MYLK: variants seen among roughly 807,000 people sequenced by gnomAD.
MYLK encodes the protein myosin light chain kinase, smooth muscle.
In MYLK, 106 loss-of-function variants were observed where a neutral mutation model predicts 203.4. That is an observed-to-expected ratio of 0.52 (90% confidence interval 0.45 to 0.61). The LOEUF (loss-of-function observed/expected upper bound fraction) is 0.61. MYLK is among the 20% of genes least tolerant of loss of function. The pLI is 0.00. For synonymous variants in MYLK, 867 were observed against 959.5 expected (o/e 0.90, Z 1.78); for missense variants, 2,072 against 2,442.3 (o/e 0.85, Z 3.20).
intron 27 of MYLK, among the ~76,000 whole-genome samples, chr3:123,645,908 C>T (rs563856705): frequency 1.2e-4 from 19 of 152,302 alleles, no homozygotes; most frequent in South Asian, 6.2e-4. Flanking sequence ...CTTTGGGAGG[C>T]TGAGGCAGAT....
chr3:123,760,236 T>C (rs1438557594), intron 4 of MYLK, among the ~76,000 whole-genome samples: 1 of 152,188 alleles, frequency 6.6e-6, no homozygotes, highest in Non-Finnish European at 1.5e-5. Flanking sequence ...TGGAGTGCAA[T>C]GGTGTGATCT....
chr3:123,844,760 G>A (rs559334180), intron 2 of MYLK, among the ~76,000 whole-genome samples: 58 of 150,066 alleles, frequency 3.9e-4, no homozygotes, highest in African/African-American at 1.3e-3. Flanking sequence ...ACCTCACCTT[G>A]ATAACTCCAG....
At position 123,642,358 on chromosome 3, in the gene MYLK, A is replaced by T. The variant is rs1025415889; in HGVS notation, c.4620-1854T>A. ...GCCTAACACACAGAAGGTGCTCAAC[A>T]CTTATTACTTATCGTTTGATAAGCT... is the stretch of plus-strand genomic sequence containing the variant. On this transcript the variant is annotated intron_variant, in intron 27 of 33. Transcript: ENST00000360304. The surrounding 1 kb of genome is among the most constrained non-coding windows in gnomAD (Gnocchi z 4.2). Among the ~76,000 whole-genome samples the T allele has an allele frequency of 1.3e-5, 2 of 152,176 alleles. No individual in the cohort carries two copies. The highest frequency in any genetic ancestry group is 4.8e-5 in the African/African-American group (2 of 41,434).
rs2063232094 is a variant in MYLK, at chr3:123,752,572, A to T, written c.166-34T>A. Reference sequence around the variant, plus strand: ...AAAAGAAGAAAGGGTAAGAGCCTGTATTTCATGAGTACTCTCTCTGTGTCA... The same window carrying T: ...AAAAGAAGAAAGGGTAAGAGCCTGTTTTTCATGAGTACTCTCTCTGTGTCA... On this transcript the variant is annotated intron_variant, in intron 4 of 33. Coordinates refer to ENST00000360304, the MANE Select transcript of MYLK (RefSeq NM_053025.4). 1.6e-5 allele frequency: 25 copies of T among 1,575,822 alleles called. No individual in the cohort carries two copies. In the East Asian group the frequency reaches 5.7e-4, roughly 36 times the overall value.
intron 2 of MYLK, among the ~76,000 whole-genome samples, chr3:123,859,547 A>G (rs1373060764): frequency 6.6e-6 from 1 of 152,270 alleles, no homozygotes; most frequent in Non-Finnish European, 1.5e-5. Flanking sequence ...AATCAGTCAC[A>G]AGCCATGCAT....
intron 32 of MYLK, among the ~76,000 whole-genome samples, chr3:123,619,179 A>G (rs542651902): frequency 6.6e-6 from 1 of 152,254 alleles, no homozygotes; most frequent in African/African-American, 2.4e-5. Flanking sequence ...TGCTTTTTAC[A>G]AGGGAGGAGT....
At chr3:123,786,880 G>A (rs1471681919) in intron 4 of MYLK, among the ~76,000 whole-genome samples, 1 of 152,140 alleles carries the variant, frequency 6.6e-6, no homozygotes, top group Non-Finnish European at 1.5e-5. Context: ...GCTAATATTT[G>A]TATAAATCAT....
At chr3:123,795,586 T>C (rs774528328) in intron 3 of MYLK, among the ~76,000 whole-genome samples, 1 of 152,148 alleles carries the variant, frequency 6.6e-6, no homozygotes, top group Non-Finnish European at 1.5e-5. Context: ...AACGTTGCAG[T>C]TGAGAAGAGC....
intron 14 of MYLK, 115 bp downstream of exon 14, chr3:123,709,641 G>T (rs772143944): frequency 2.3e-5 from 31 of 1,369,702 alleles, no homozygotes; most frequent in Non-Finnish European, 3.2e-5. Flanking sequence ...TCACCTGATG[G>T]TCCCATCTGA....
intron 31 of MYLK, chr3:123,621,093 T>G (rs77099965): frequency 6.6e-6 from 1 of 152,346 alleles, no homozygotes; most frequent in African/African-American, 2.4e-5. Context: ...TCTCAGTGAC[T>G]AGACTTGGGA....
intron 20 of MYLK, among the ~76,000 whole-genome samples, chr3:123,680,134 C>T (rs1440294750): frequency 6.6e-6 from 1 of 152,230 alleles, no homozygotes; most frequent in African/African-American, 2.4e-5. Context: ...CGAGCTGCTG[C>T]TCCAGACTCG....
At position 123,793,919 on chromosome 3, in the gene MYLK, T is replaced by G; in HGVS notation, c.-3-75A>C. On this transcript the variant is annotated intron_variant, in intron 3 of 33. Coordinates refer to ENST00000360304, the MANE Select transcript of MYLK (RefSeq NM_053025.4). ...CTGTCTTCCCTTCAGGCATCAGGTGTGTCCAGTCTGGAGGTGTGGCTTTTA... is the reference window on the plus strand; with the variant it reads ...CTGTCTTCCCTTCAGGCATCAGGTGGGTCCAGTCTGGAGGTGTGGCTTTTA... 3 of 1,559,912 alleles carry G rather than the reference T, an allele frequency of 1.9e-6. No homozygotes were observed. In the Admixed American group the frequency reaches 5.1e-5, roughly 27 times the overall value.
In MYLK at chr3:123,752,385, C is replaced by T. The variant is rs2063223394; in HGVS notation, c.319G>A (p.Glu107Lys). 3.7e-6 allele frequency: 6 copies of T among 1,614,064 alleles called. No homozygotes were observed. Among genetic ancestry groups the T allele is most frequent in the African/African-American group, 1.3e-5 (1 of 74,926 alleles). ...CGAGCACCACTGCCATTGGTGGCTT[C>T]ACAGGTATACTTTCCCCTGTCCTCC... Reference protein sequence around the residue: ...HEEDRGKYTCEATNGSGARQV... With the variant: ...HEEDRGKYTCKATNGSGARQV... Residue 107 changes from glutamate to lysine, a missense_variant, in exon 5 of 34, where the codon GAA (glutamate) becomes AAA (lysine). Glu to Lys is a moderately conservative substitution (Grantham distance 56, BLOSUM62 1). This residue lies in a region of MYLK where 683 missense variants were observed against 643.8 expected (regional missense o/e 1.06). Transcript: ENST00000360304.
chr3:123,619,040 A>T (rs2057691344), intron 32 of MYLK, among the ~76,000 whole-genome samples: 1 of 152,198 alleles, frequency 6.6e-6, no homozygotes, highest in African/African-American at 2.4e-5. Context: ...AATCATCTTT[A>T]AAAAGGATTT....
intron 3 of MYLK, among the ~76,000 whole-genome samples, chr3:123,796,047 A>G (rs953028195): frequency 6.6e-6 from 1 of 152,192 alleles, no homozygotes; most frequent in African/African-American, 2.4e-5. Flanking sequence ...TCTTTCACTG[A>G]TAAGATATTA....
At chr3:123,682,353 G>T in intron 19 of MYLK, 43 bp from the exon 20 acceptor site, 1 of 1,462,702 alleles carries the variant, frequency 6.8e-7, no homozygotes, top group South Asian at 1.2e-5. Context: ...AGCTGCTGAG[G>T]AAATGAGCAA....
Position 123,737,505 on chromosome 3 carries a change from C to A in MYLK, c.627G>T (p.Val209=). Residue 209 remains valine (V), a synonymous_variant, in exon 8 of 34, where the codon GTG becomes GTT. Coordinates refer to ENST00000360304, the MANE Select transcript of MYLK (RefSeq NM_053025.4). ...GAACCTGCATGCCGTTCTTCTCAGACACAGACACACGGGCACTCGGCTGCA... is the reference window on the plus strand; with the variant it reads ...GAACCTGCATGCCGTTCTTCTCAGAAACAGACACACGGGCACTCGGCTGCA... ...VPLQPSARVS[V]SEKNGMQVLE... 6.2e-7 allele frequency: 1 copy of A among 1,614,216 alleles called. No homozygotes were observed. The highest frequency in any genetic ancestry group is 8.5e-7 in the Non-Finnish European group (1 of 1,180,038).
At chr3:123,872,521 G>A (rs1434828857) in intron 2 of MYLK, among the ~76,000 whole-genome samples, 4 of 152,120 alleles carry the variant, frequency 2.6e-5, no homozygotes, top group African/African-American at 7.2e-5. Context: ...CTGACCAACC[G>A]ACGATAAGTT....
intron 2 of MYLK, among the ~76,000 whole-genome samples, chr3:123,867,217 A>G (rs1383166854): frequency 6.6e-6 from 1 of 152,026 alleles, no homozygotes; most frequent in Non-Finnish European, 1.5e-5. Flanking sequence ...GTAGTCTGTG[A>G]TATGAAAAAT....
Sources: gnomAD v4.1 joint callset for allele counts (sites outside exome capture counted in the v4.1 genomes callset) on GRCh38, gnomAD v4.1.1 for gene constraint, gnomAD v4.1.1 regional missense constraint, Gnocchi (gnomAD v3.1) non-coding constraint, MANE v1.5 for transcripts, NCBI Gene and HGNC (gene_info 2026-07-23, HGNC 2026-07-21) for gene names.